The following KIZ variants were observed in gnomAD, a reference collection of about 807,000 sequenced individuals.
KIZ encodes centrosomal protein kizuna.
KIZ carries 68 observed loss-of-function variants against 79.6 expected under a neutral mutation model. That is an observed-to-expected ratio of 0.85 (90% CI 0.70 to 1.05). KIZ has a LOEUF of 1.05. KIZ is among the 50% of genes least tolerant of loss of function. The probability of loss-of-function intolerance (pLI) is 0.00; values close to 1 mark genes in which losing one functional copy is unlikely to be tolerated. For missense variants in KIZ, 797 were observed against 800.4 expected (o/e 1.00, Z 0.05); for synonymous variants, 280 against 281.8 (o/e 0.99, Z 0.06).
Position 21,145,626 on chromosome 20 carries a change from A to C in KIZ, c.377A>C (p.Glu126Ala). Residue 126 changes from glutamate (E) to alanine (A), a missense_variant, in exon 4 of 13, where the codon GAG becomes GCG. Glu to Ala is a moderately radical substitution (Grantham distance 107). Coordinates refer to ENST00000619189, the MANE Select transcript of KIZ (RefSeq NM_018474.6). ...LCSKDSLGLK[E>A]ELTDEDREKV... ...TCAAAAGATAGCCTGGGACTAAAAG[A>C]GGAACTGACAGATGAAGACAGAGAA... 1 of 1,520,050 alleles carries C rather than the reference A, an allele frequency of 6.6e-7. No homozygotes were observed. The highest frequency in any genetic ancestry group is 8.9e-7 in the Non-Finnish European group (1 of 1,122,994). 94.2% of individuals were successfully genotyped at this position (1,520,050 alleles called of 1,614,324 possible). A position where few individuals can be genotyped will look rare whatever the true frequency, so the allele number is the denominator to read the frequency against.
At chr20:21,238,649 C>T (rs2037114636) in intron 11 of KIZ, among the ~76,000 whole-genome samples, 1 of 152,150 alleles carries the variant, frequency 6.6e-6, no homozygotes, top group Admixed American at 6.5e-5. Context: ...CCCACAGTTC[C>T]ACTGTCATCA....
chr20:21,214,672 G>T lies in KIZ; in HGVS notation c.1584G>T (p.Trp528Cys), dbSNP rs1179467342. The change falls in exon 8 of 13, where the codon TGG becomes TGT. Residue 528 changes from tryptophan to cysteine, a missense_variant. By Grantham distance (215) the Trp-to-Cys change is radical. Coordinates refer to ENST00000619189, the MANE Select transcript of KIZ (RefSeq NM_018474.6). ...TAAAGGAAGCCAAACCTGCTGTATG[G>T]CTCAACAGTGTTCCTACAAGGGAAC... is the stretch of plus-strand genomic sequence containing the variant. ...SGIKEAKPAV[W>C]LNSVPTREQE... The T allele has an allele frequency of 8.1e-6, 13 of 1,612,802 alleles. No homozygotes were observed. Among genetic ancestry groups the T allele is most frequent in the Non-Finnish European group, 1.1e-5 (13 of 1,178,908 alleles).
intron 6 of KIZ, among the ~76,000 whole-genome samples, chr20:21,182,351 T>G (rs555845780): frequency 1.3e-5 from 2 of 152,298 alleles, no homozygotes; most frequent in Non-Finnish European, 2.9e-5. Flanking sequence ...GAGACTCTCT[T>G]CTTGAGTCTC....
At chr20:21,188,478 C>T (rs1007299333) in intron 6 of KIZ, among the ~76,000 whole-genome samples, 1 of 152,060 alleles carries the variant, frequency 6.6e-6, no homozygotes, top group Non-Finnish European at 1.5e-5. Context: ...AAACAATGAT[C>T]AAATAAAATT....
chr20:21,151,578 C>T (rs1180984112), intron 4 of KIZ: 1 of 152,054 alleles, frequency 6.6e-6, no homozygotes, highest in Non-Finnish European at 1.5e-5. Context: ...TTCTTTTCTC[C>T]TTTTGATAGT....
At chr20:21,187,264 A>G (rs2034914387) in intron 6 of KIZ, among the ~76,000 whole-genome samples, 1 of 152,180 alleles carries the variant, frequency 6.6e-6, no homozygotes, top group African/African-American at 2.4e-5. Flanking sequence ...GGTGTCTACC[A>G]TGCTCAGGGA....
chr20:21,198,061 A>T (rs1024261561), intron 6 of KIZ: 1 of 151,924 alleles, frequency 6.6e-6, no homozygotes, highest in Non-Finnish European at 1.5e-5. Context: ...TTAATTTTTT[A>T]TTTTATTTTA....
chr20:21,231,466 C>T (rs1215931622), intron 10 of KIZ, among the ~76,000 whole-genome samples: 1 of 152,134 alleles, frequency 6.6e-6, no homozygotes, highest in Non-Finnish European at 1.5e-5. Flanking sequence ...AGTGAAATGA[C>T]ACTCTAGGTT....
At chr20:21,210,746 AACTAGAT>A in intron 7 of KIZ, among the ~76,000 whole-genome samples, 1 of 148,912 alleles carries the variant, frequency 6.7e-6, no homozygotes, top group East Asian at 2.0e-4. Context: ...TTCTTTATGA[AACTAGAT>A]ACTATCAGCT....
intron 11 of KIZ, among the ~76,000 whole-genome samples, chr20:21,236,180 G>C (rs143980063): frequency 1.2e-4 from 18 of 152,312 alleles, no homozygotes; most frequent in African/African-American, 4.3e-4. Context: ...GTTGACCTCA[G>C]GCAGCTGAAA....
chr20:21,216,412 T>C (rs532589564), intron 9 of KIZ, among the ~76,000 whole-genome samples: 11 of 152,200 alleles, frequency 7.2e-5, no homozygotes, highest in Non-Finnish European at 1.3e-4. Context: ...TTTTGTTGTT[T>C]ATAAGCAGAA....
At chr20:21,200,314 A>G (rs1442715320) in intron 6 of KIZ, among the ~76,000 whole-genome samples, 2 of 152,070 alleles carry the variant, frequency 1.3e-5, no homozygotes, top group African/African-American at 2.4e-5. Context: ...TTTGTTTAAG[A>G]CAGTTTTTCC....
rs547735386 is a variant in KIZ, at chr20:21,224,014, A to T, written c.1679-4997A>T. Among the ~76,000 whole-genome samples the T allele has an allele frequency of 1.4e-5, 2 of 144,670 alleles. 1 individual carries two copies. Among genetic ancestry groups the T allele is most frequent in the South Asian group, 4.4e-4 (2 of 4,550 alleles). The allele number at this position is 144,670 out of a possible 152,430, so 94.9% of individuals were successfully genotyped here. A position where few individuals can be genotyped will look rare whatever the true frequency, so the allele number is the denominator to read the frequency against. On this transcript the variant is annotated intron_variant, in intron 9 of 12. Coordinates refer to ENST00000619189, the MANE Select transcript of KIZ (RefSeq NM_018474.6). ...TTTTTTATTTATTTATTTTTTTGAG[A>T]TGGAGTTTTATTCTTGTTGCCCAGG...
rs1363886854 is a variant in KIZ at position 21,245,791 on chromosome 20, C to G, written c.1925-688C>G. The G allele has an allele frequency of 2.0e-5, 3 of 152,254 alleles. No individual in the cohort carries two copies. The East Asian group carries it at 5.8e-4, about 29-fold the overall frequency. 9.4% of individuals were successfully genotyped at this position (152,254 alleles called of 1,614,324 possible). A position where few individuals can be genotyped will look rare whatever the true frequency, so the allele number is the denominator to read the frequency against. On this transcript the variant is annotated intron_variant, in intron 12 of 12. Coordinates refer to ENST00000619189, the MANE Select transcript of KIZ (RefSeq NM_018474.6). ...GTTGATGCCCTGGGTTGAGAGCAAC[C>G]CTCAACCAACAGAGGCAAGTTGGTG...
chr20:21,201,740 T>C (rs1282759835), intron 6 of KIZ, among the ~76,000 whole-genome samples: 2 of 152,260 alleles, frequency 1.3e-5, no homozygotes, highest in African/African-American at 4.8e-5. Context: ...TTATGTGTCA[T>C]CAATGTTATA....
intron 7 of KIZ, among the ~76,000 whole-genome samples, chr20:21,211,404 C>T (rs762330399): frequency 2.6e-5 from 4 of 152,278 alleles, no homozygotes; most frequent in East Asian, 1.9e-4. Flanking sequence ...GTGGTTTGTT[C>T]GTACTGACTT....
chr20:21,162,154 T>C lies in KIZ; in HGVS notation c.689T>C (p.Leu230Pro). 2 of 1,610,978 alleles carry C rather than the reference T, an allele frequency of 1.2e-6. No homozygotes were observed. The highest frequency in any genetic ancestry group is 1.7e-6 in the Non-Finnish European group (2 of 1,178,380). The part of the protein sequence containing the change: ...KSDNIDGKAS[L>P]QIGEKMPVTA... ...GACAACATAGATGGAAAGGCATCTC[T>C]TCAGATTGGTGAGAAAATGCCAGTC... Residue 230 changes from leucine to proline, a missense_variant, in exon 5 of 13, where the codon CTT becomes CCT. Physicochemically the swap from Leu to Pro is moderately conservative, Grantham distance 98. Coordinates refer to ENST00000619189, the MANE Select transcript of KIZ (RefSeq NM_018474.6).
chr20:21,229,665 A>G (rs549317443), intron 10 of KIZ, among the ~76,000 whole-genome samples: 20 of 152,104 alleles, frequency 1.3e-4, no homozygotes, highest in African/African-American at 4.8e-4. Context: ...GCCTCAACCT[A>G]CCAATCTCAA....
chr20:21,132,575 C>G (rs1312641436), intron 2 of KIZ, among the ~76,000 whole-genome samples: 1 of 151,174 alleles, frequency 6.6e-6, no homozygotes, highest in Non-Finnish European at 1.5e-5. Flanking sequence ...GCCACTGTGC[C>G]CAGCCTAGTT....
Sources: gnomAD v4.1 joint callset for allele counts (sites outside exome capture counted in the v4.1 genomes callset) on GRCh38, gnomAD v4.1.1 for gene constraint, MANE v1.5 for transcripts, NCBI Gene and HGNC (gene_info 2026-07-23, HGNC 2026-07-21) for gene names.